ZBBX: variants seen among roughly 807,000 people sequenced by gnomAD.
ZBBX encodes zinc finger B-box domain-containing protein 1.
Under a neutral mutation model 108.5 loss-of-function variants are expected in ZBBX, and 101 were observed. The ratio of observed to expected loss-of-function variants is 0.93; its 90% confidence interval spans 0.79 to 1.10. The LOEUF (loss-of-function observed/expected upper bound fraction) is 1.10. Among genes scored for constraint, ZBBX ranks in the 50% least tolerant of loss-of-function variants. The pLI, the probability that ZBBX is intolerant of heterozygous loss-of-function variation, is 0.00. For missense variants in ZBBX, 1,009 were observed against 941.4 expected, an observed-to-expected ratio of 1.07 and a Z score of -0.94; for synonymous variants, 356 against 323.4, an observed-to-expected ratio of 1.10 and a Z score of -1.08.
At chr3:167,220,691 C>G in the ZBBX span, among the ~76,000 whole-genome samples, 1 of 151,908 alleles carries the variant, frequency 6.6e-6, no homozygotes, top group South Asian at 2.1e-4. Flanking sequence ...CCCACTTTCA[C>G]CACTCTTAAT....
Position 167,344,972 on chromosome 3 carries a change from T to C in ZBBX, c.528+5448A>G, listed in dbSNP as rs577616500. 1.6e-4 allele frequency among the ~76,000 whole-genome samples: 24 copies of C among 151,984 alleles called. No individual in the cohort carries two copies. The South Asian group carries it at 4.8e-3, about 30-fold the overall frequency. On this transcript the variant is annotated intron_variant, in intron 9 of 21. Transcript: ENST00000675490. ...TAATTAAAGGTCAAATGCTCACATT[T>C]AGGAGGAAAAGCTTTTGTTAACCCT...
intron 19 of ZBBX, among the ~76,000 whole-genome samples, 185 bp downstream of exon 19, chr3:167,288,682 T>C (rs1033620277): frequency 2.0e-5 from 3 of 152,142 alleles, no homozygotes; most frequent in Non-Finnish European, 4.4e-5. Context: ...TTTGGAAAAA[T>C]GAGCTCACTT....
chr3:167,213,295 C>A, the ZBBX span, among the ~76,000 whole-genome samples: 1 of 152,054 alleles, frequency 6.6e-6, no homozygotes, highest in Non-Finnish European at 1.5e-5. Context: ...ATAAGAATCA[C>A]AATAAAGTGA....
At chr3:167,228,322 C>T in the ZBBX span, among the ~76,000 whole-genome samples, 57 of 151,762 alleles carry the variant, frequency 3.8e-4, no homozygotes, top group East Asian at 8.4e-3. Context: ...GTTTTTCCAC[C>T]GCAAAGTGCT....
At chr3:167,227,780 G>A in the ZBBX span, among the ~76,000 whole-genome samples, 1 of 151,672 alleles carries the variant, frequency 6.6e-6, no homozygotes, top group Admixed American at 6.6e-5. Flanking sequence ...AAGCCTACAT[G>A]TATCCCATTA....
chr3:167,344,647 C>T (rs1741128375), intron 9 of ZBBX, among the ~76,000 whole-genome samples: 1 of 151,462 alleles, frequency 6.6e-6, no homozygotes, highest in African/African-American at 2.4e-5. Context: ...TGGTGGTATT[C>T]TTGCAGGAGT....
intron 11 of ZBBX, 24 bp downstream of exon 11, chr3:167,327,918 A>AC (rs1467544281): frequency 6.8e-6 from 10 of 1,467,800 alleles, no homozygotes; most frequent in South Asian, 1.4e-5. Flanking sequence ...TGTCTCAAAA[A>AC]AAAAAAAAAA....
At chr3:167,337,036 T>G (rs778720430) in intron 9 of ZBBX, among the ~76,000 whole-genome samples, 3 of 152,160 alleles carry the variant, frequency 2.0e-5, no homozygotes, top group African/African-American at 7.2e-5. Flanking sequence ...CAGACTTAAT[T>G]TCAACCCAGA....
the ZBBX span, among the ~76,000 whole-genome samples, chr3:167,181,415 C>A: frequency 3.3e-5 from 5 of 152,180 alleles, no homozygotes; most frequent in Admixed American, 6.5e-5. Context: ...CTTTAATATA[C>A]TTCAGGGGCT....
At chr3:167,248,851 T>C (rs530098547) in intron 20 of ZBBX, among the ~76,000 whole-genome samples, 28 of 152,322 alleles carry the variant, frequency 1.8e-4, no homozygotes, top group African/African-American at 6.3e-4. Flanking sequence ...ATTCCTATTC[T>C]CCAGGTTTTC....
intron 20 of ZBBX, 87 bp from the exon 21 acceptor site, chr3:167,242,730 A>G: frequency 1.8e-6 from 2 of 1,140,362 alleles, no homozygotes; most frequent in South Asian, 4.1e-5. Flanking sequence ...ACCCAGAGTA[A>G]ATTACAGGCA....
At chr3:167,353,579 A>C (rs1743026843) in intron 8 of ZBBX, among the ~76,000 whole-genome samples, 1 of 152,052 alleles carries the variant, frequency 6.6e-6, no homozygotes, top group Non-Finnish European at 1.5e-5. Flanking sequence ...GATGGGTACT[A>C]AAAGCCCAGA....
chr3:167,185,505 AT>A, the ZBBX span, among the ~76,000 whole-genome samples: 7 of 152,128 alleles, frequency 4.6e-5, no homozygotes, highest in Non-Finnish European at 1.0e-4. Flanking sequence ...AAAATCGTGG[AT>A]TTTTCTATAT....
intron 9 of ZBBX, among the ~76,000 whole-genome samples, chr3:167,337,221 A>G (rs1438265337): frequency 1.3e-5 from 2 of 152,132 alleles, no homozygotes; most frequent in Non-Finnish European, 2.9e-5. Flanking sequence ...ACATGAGCTG[A>G]TAAAAGCTTA....
intron 5 of ZBBX, among the ~76,000 whole-genome samples, chr3:167,367,598 A>C (rs1185111944): frequency 6.6e-6 from 1 of 151,444 alleles, no homozygotes; most frequent in Non-Finnish European, 1.5e-5. Context: ...AAAAAAAAAA[A>C]AGTAAACGAT....
At chr3:167,394,516 G>A (rs1386076046) in intron 1 of ZBBX, among the ~76,000 whole-genome samples, 1 of 151,654 alleles carries the variant, frequency 6.6e-6, no homozygotes, top group African/African-American at 2.4e-5. Flanking sequence ...CAATTGACTT[G>A]ATAAAAAATG....
intron 10 of ZBBX, among the ~76,000 whole-genome samples, chr3:167,333,115 C>T (rs1738943702): frequency 6.6e-6 from 1 of 151,856 alleles, no homozygotes; most frequent in East Asian, 1.9e-4. Flanking sequence ...AACACATTTT[C>T]TTTTATGTCT....
chr3:167,284,139 GAT>G (rs1729296172), intron 19 of ZBBX, among the ~76,000 whole-genome samples: 1 of 150,788 alleles, frequency 6.6e-6, no homozygotes, highest in Admixed American at 6.6e-5. Flanking sequence ...TTTGTGCTCA[GAT>G]AAAAATAATG....
At chr3:167,245,142 G>A (rs1721329592) in intron 20 of ZBBX, among the ~76,000 whole-genome samples, 1 of 152,134 alleles carries the variant, frequency 6.6e-6, no homozygotes, top group African/African-American at 2.4e-5. Context: ...GGCCGGGCGC[G>A]GTGGCTCACG....
Sources: allele counts gnomAD v4.1 joint callset (sites outside exome capture counted in the v4.1 genomes callset), GRCh38; gene constraint gnomAD v4.1.1; transcripts MANE v1.5; gene names NCBI Gene and HGNC (gene_info 2026-07-23, HGNC 2026-07-21).